Variants in SLC25A13 observed in about 807,000 individuals in gnomAD.
SLC25A13 encodes the protein electrogenic aspartate/glutamate antiporter SLC25A13, mitochondrial.
SLC25A13 carries 70 observed loss-of-function variants against 85.5 expected under a neutral mutation model. That is an observed-to-expected ratio of 0.82 (90% CI 0.68 to 1.00). The LOEUF (loss-of-function observed/expected upper bound fraction) is 1.00, where lower values mean the gene tolerates loss of function less well. Among genes scored for constraint, SLC25A13 ranks in the 50% least tolerant of loss-of-function variants. The pLI, the probability that SLC25A13 is intolerant of heterozygous loss-of-function variation, is 0.00. For missense variants in SLC25A13, 765 were observed against 819.8 expected (o/e 0.93, Z 0.82); for synonymous variants, 259 against 288.7 (o/e 0.90, Z 1.04).
At chr7:96,197,101 C>A (rs1476699026) in intron 5 of SLC25A13, among the ~76,000 whole-genome samples, 1 of 152,146 alleles carries the variant, frequency 6.6e-6, no homozygotes, top group Non-Finnish European at 1.5e-5. Flanking sequence ...TACTCCCCAG[C>A]CCTCTATCTA....
At chr7:96,196,017 T>A (rs1795047650) in intron 5 of SLC25A13, among the ~76,000 whole-genome samples, 1 of 152,240 alleles carries the variant, frequency 6.6e-6, no homozygotes, top group Non-Finnish European at 1.5e-5. Context: ...CATTTATACA[T>A]GCAGCTCAGC....
At chr7:96,127,990 G>A (rs1213694909) in intron 15 of SLC25A13, among the ~76,000 whole-genome samples, 3 of 152,142 alleles carry the variant, frequency 2.0e-5, no homozygotes, top group African/African-American at 7.2e-5. Flanking sequence ...ATTTGTGCTT[G>A]CTCACTGCCC....
At chr7:96,179,138 T>C (rs1486417578) in intron 11 of SLC25A13, among the ~76,000 whole-genome samples, 3 of 152,204 alleles carry the variant, frequency 2.0e-5, no homozygotes, top group Non-Finnish European at 4.4e-5. Flanking sequence ...CCTCAACTCC[T>C]CTATTCTGGG....
chr7:96,307,167 C>G (rs1799777939), intron 1 of SLC25A13, among the ~76,000 whole-genome samples: 1 of 151,524 alleles, frequency 6.6e-6, no homozygotes, highest in Non-Finnish European at 1.5e-5. Context: ...AAAATTAAGA[C>G]ACATCAGTTG....
At chr7:96,320,626 T>A (rs189981085) in intron 1 of SLC25A13, among the ~76,000 whole-genome samples, 1 of 152,154 alleles carries the variant, frequency 6.6e-6, no homozygotes, top group Admixed American at 6.5e-5. Context: ...TAGATAGATA[T>A]ACACACGCAC....
intron 4 of SLC25A13, among the ~76,000 whole-genome samples, chr7:96,217,457 T>A (rs1230454752): frequency 6.6e-6 from 1 of 152,218 alleles, no homozygotes; most frequent in Non-Finnish European, 1.5e-5. Context: ...ACGTTATTCA[T>A]AATAGCCAAG....
intron 1 of SLC25A13, among the ~76,000 whole-genome samples, chr7:96,297,214 AAAAAG>A (rs1203615555): frequency 6.6e-6 from 1 of 152,214 alleles, no homozygotes; most frequent in African/African-American, 2.4e-5. Flanking sequence ...ATCATTTCTT[AAAAAG>A]AAAAGGTGAA....
At chr7:96,321,884 T>C in intron 1 of SLC25A13, 58 bp downstream of exon 1, 2 of 1,493,574 alleles carry the variant, frequency 1.3e-6, no homozygotes, top group Non-Finnish European at 1.8e-6. Context: ...CCCGAGCCTC[T>C]CGCACCCCCA....
At chr7:96,248,401 G>T (rs891195069) in intron 3 of SLC25A13, among the ~76,000 whole-genome samples, 5 of 152,152 alleles carry the variant, frequency 3.3e-5, no homozygotes, top group African/African-American at 1.2e-4. Context: ...AGTCAACTTA[G>T]AATAACAAAA....
At chr7:96,127,785 T>C (rs551670037) in intron 15 of SLC25A13, among the ~76,000 whole-genome samples, 2 of 152,362 alleles carry the variant, frequency 1.3e-5, no homozygotes, top group Middle Eastern at 6.8e-3. Context: ...TCATTGTAGT[T>C]GCCTGAAACT....
intron 13 of SLC25A13, among the ~76,000 whole-genome samples, chr7:96,154,577 G>A (rs1793180388): frequency 1.3e-5 from 2 of 152,120 alleles, no homozygotes; most frequent in Non-Finnish European, 1.5e-5. Flanking sequence ...GATTACAGGC[G>A]TGAGCCACTG....
chr7:96,146,464 C>CA lies in SLC25A13; in HGVS notation c.1452+91dup, dbSNP rs535555964. 2,814 of 1,454,852 alleles carry CA rather than the reference C, an allele frequency of 1.9e-3. 2 individuals are homozygous for CA. The highest frequency in any genetic ancestry group is 2.1e-3 in the Non-Finnish European group (2,216 of 1,067,530). The allele number at this position is 1,454,852 out of a possible 1,614,324, so 90.1% of individuals were successfully genotyped here. A position where few individuals can be genotyped will look rare whatever the true frequency, so the allele number is the denominator to read the frequency against. On this transcript the variant is annotated intron_variant, in intron 14 of 17. Coordinates refer to ENST00000265631, the MANE Select transcript of SLC25A13 (RefSeq NM_014251.3). The stretch of plus-strand genomic sequence containing the variant: ...AACATCTTCTCCAGGTGTAGAAATG[C>CA]AAAAAAAAATGGATTTCATGTTGAA...
intron 3 of SLC25A13, among the ~76,000 whole-genome samples, chr7:96,243,618 G>T (rs998754731): frequency 4.6e-5 from 7 of 152,184 alleles, no homozygotes; most frequent in African/African-American, 1.7e-4. Flanking sequence ...AGAGTAATGG[G>T]GTTGGGAGAT....
intron 2 of SLC25A13, chr7:96,283,420 CAT>C (rs1798761033): frequency 4.8e-6 from 2 of 417,832 alleles, no homozygotes; most frequent in South Asian, 2.0e-5. Flanking sequence ...TTTTAGAAAA[CAT>C]AGAGTTGTTC....
intron 3 of SLC25A13, among the ~76,000 whole-genome samples, chr7:96,237,929 AG>A (rs1394911908): frequency 9.2e-5 from 14 of 152,354 alleles, no homozygotes; most frequent in African/African-American, 2.9e-4. Flanking sequence ...TTGAGGTAAC[AG>A]TGGGACATGT....
At chr7:96,242,152 A>G (rs971336968) in intron 3 of SLC25A13, among the ~76,000 whole-genome samples, 17 of 152,214 alleles carry the variant, frequency 1.1e-4, no homozygotes, top group African/African-American at 4.1e-4. Context: ...GTTACAGCAG[A>G]AGCCAAGCAA....
chr7:96,228,826 T>C (rs955566300), intron 4 of SLC25A13, among the ~76,000 whole-genome samples: 1 of 152,164 alleles, frequency 6.6e-6, no homozygotes, highest in Non-Finnish European at 1.5e-5. Flanking sequence ...CCGCCAGCCC[T>C]GGGCACTGAG....
chr7:96,272,674 T>A (rs1371112995), intron 3 of SLC25A13, among the ~76,000 whole-genome samples: 1 of 152,194 alleles, frequency 6.6e-6, no homozygotes, highest in East Asian at 1.9e-4. Context: ...TATGAGACGC[T>A]TTGCCTGTAA....
intron 15 of SLC25A13, among the ~76,000 whole-genome samples, chr7:96,124,899 T>C (rs1791663031): frequency 6.6e-6 from 1 of 152,206 alleles, no homozygotes; most frequent in Non-Finnish European, 1.5e-5. Flanking sequence ...GTGCAATTAA[T>C]TAGCATTTGC....
Sources: allele counts gnomAD v4.1 joint callset (sites outside exome capture counted in the v4.1 genomes callset), GRCh38; gene constraint gnomAD v4.1.1; transcripts MANE v1.5; gene names NCBI Gene and HGNC (gene_info 2026-07-23, HGNC 2026-07-21).